The following SYTL4 variants were observed in gnomAD, a reference collection of about 807,000 sequenced individuals.
The protein encoded by SYTL4 is synaptotagmin-like protein 4.
A neutral mutation model predicts 52.7 loss-of-function variants in SYTL4; 16 were observed. The ratio of observed to expected loss-of-function variants is 0.30; its 90% CI spans 0.21 to 0.46. The LOEUF is 0.46. Among genes scored for constraint, SYTL4 ranks in the 20% least tolerant of loss-of-function variants. SYTL4 has a pLI of 1.00. For missense variants in SYTL4, 423 were observed against 519.9 expected, an observed-to-expected ratio of 0.81 and a Z score of 1.81; for synonymous variants, 160 against 186.6, an observed-to-expected ratio of 0.86 and a Z score of 1.16.
intron 9 of SYTL4, 44 bp from the exon 10 acceptor site, chrX:100,690,682 T>C: frequency 3.9e-6 from 4 of 1,013,392 alleles, no homozygotes; most frequent in Non-Finnish European, 5.5e-6. Context: ...CCTCCTACCC[T>C]TCCCCTTCTA....
At position 100,678,587 on chromosome X, in the gene SYTL4, G is replaced by A. The variant is rs144944700; in HGVS notation, c.1671C>T (p.Pro557=). ...TACGTTTACTGGCCTTGTTCCTCAT[G>A]GGAAGGAGGTATCTGGCAGAGGGCG... ...SDSFVKGYLL[P]MRNKASKRKT... Residue 557 remains proline, a synonymous_variant, in exon 19 of 20, where the codon CCC becomes CCT. Coordinates refer to ENST00000372989, the MANE Select transcript of SYTL4 (RefSeq NM_001370165.1). 2.7e-3 allele frequency: 3,283 copies of A among 1,207,532 alleles called. 7 individuals are homozygous for A. Among genetic ancestry groups the A allele is most frequent in the Middle Eastern group, 7.4e-3 (32 of 4,342 alleles).
At chrX:100,689,730 G>A in intron 12 of SYTL4, 126 bp downstream of exon 12, 1 of 390,658 alleles carries the variant, frequency 2.6e-6, no homozygotes, top group Non-Finnish European at 4.5e-6. Flanking sequence ...AAACTTGGGG[G>A]TATCAAGTTT....
chrX:100,688,134 G>A, intron 13 of SYTL4: 2 of 355,069 alleles, frequency 5.6e-6, no homozygotes, highest in Non-Finnish European at 9.8e-6. Context: ...GTCCCAAGCT[G>A]TAATGTAATA....
intron 13 of SYTL4, chrX:100,687,994 T>C (rs1016447894): frequency 8.9e-5 from 13 of 145,520 alleles, no homozygotes; most frequent in African/African-American, 4.1e-4. Context: ...CTCATGACAC[T>C]CACTTTCTTT....
chrX:100,714,412 A>T (rs1303684303), intron 2 of SYTL4, among the ~76,000 whole-genome samples: 1 of 110,029 alleles, frequency 9.1e-6, no homozygotes, highest in African/African-American at 3.3e-5. Context: ...GGCACCCGCC[A>T]CCACACCCGG....
intron 16 of SYTL4, 59 bp downstream of exon 16, chrX:100,685,931 G>T: frequency 9.2e-7 from 1 of 1,081,421 alleles, no homozygotes; most frequent in African/African-American, 1.8e-5. Flanking sequence ...GACCAGCAGA[G>T]GCTACTGCAG....
chrX:100,710,403 C>T (rs931317299), intron 2 of SYTL4, among the ~76,000 whole-genome samples: 3 of 112,051 alleles, frequency 2.7e-5, no homozygotes, highest in Non-Finnish European at 5.6e-5. Flanking sequence ...ATTCTGTATA[C>T]TTTTGAACAT....
intron 2 of SYTL4, among the ~76,000 whole-genome samples, chrX:100,711,898 A>T (rs770843998): frequency 5.4e-5 from 6 of 110,845 alleles, no homozygotes; most frequent in African/African-American, 2.0e-4. Context: ...GGGGAAGGAC[A>T]CATTATATAT....
At chrX:100,724,357 C>T (rs1256869386) in intron 2 of SYTL4, among the ~76,000 whole-genome samples, 1 of 104,968 alleles carries the variant, frequency 9.5e-6, no homozygotes, top group Non-Finnish European at 2.0e-5. Flanking sequence ...GCCACCACCC[C>T]GTCTGGGAGG....
intron 2 of SYTL4, among the ~76,000 whole-genome samples, chrX:100,719,372 C>T (rs996338914): frequency 5.4e-5 from 6 of 111,282 alleles, no homozygotes; most frequent in Non-Finnish European, 7.5e-5. Flanking sequence ...AGCTCTTAAC[C>T]GTTACATTAC....
intron 12 of SYTL4, 118 bp from the exon 13 acceptor site, chrX:100,688,561 T>TTA: frequency 1.0e-5 from 5 of 486,359 alleles, no homozygotes; most frequent in Non-Finnish European, 1.2e-5. Flanking sequence ...GCACACATAC[T>TTA]TCTTTTTTTT....
rs957295105 is a variant in SYTL4, at chrX:100,720,841, T to C, written c.-240+10577A>G. ...GCCTATAAGATGCCAAATAAATGCT[T>C]ATTTCTTTCAAATAAAATATTAATA... On this transcript the variant is annotated intron_variant, in intron 2 of 19. Coordinates refer to ENST00000372989, the MANE Select transcript of SYTL4 (RefSeq NM_001370165.1). Among the ~76,000 whole-genome samples, 3 of 112,520 alleles carry C rather than the reference T, an allele frequency of 2.7e-5. No homozygotes were observed. In the East Asian group the frequency reaches 8.3e-4, roughly 31 times the overall value.
chrX:100,726,816 A>C (rs2084528939), intron 2 of SYTL4, among the ~76,000 whole-genome samples: 2 of 111,378 alleles, frequency 1.8e-5, no homozygotes, highest in Admixed American at 1.9e-4. Context: ...TATGGGGTAC[A>C]CATGCAATTT....
chrX:100,722,366 T>C (rs1398657833), intron 2 of SYTL4, among the ~76,000 whole-genome samples: 1 of 111,507 alleles, frequency 9.0e-6, no homozygotes, highest in East Asian at 2.8e-4. Context: ...TTCTCCACAA[T>C]AACTATTTCA....
intron 8 of SYTL4, among the ~76,000 whole-genome samples, chrX:100,699,880 T>C (rs1569398092): frequency 9.0e-6 from 1 of 110,764 alleles, no homozygotes; most frequent in Non-Finnish European, 1.9e-5. Flanking sequence ...ATACATATCA[T>C]GGGGTATTAT....
At chrX:100,688,659 G>T (rs1318872131) in intron 12 of SYTL4, among the ~76,000 whole-genome samples, 2 of 107,831 alleles carry the variant, frequency 1.9e-5, no homozygotes, top group Non-Finnish European at 3.8e-5. Flanking sequence ...CCGCCTCCTG[G>T]GTTCAAGCAA....
chrX:100,724,358 G>A (rs1436531864), intron 2 of SYTL4, among the ~76,000 whole-genome samples: 113 of 104,644 alleles, frequency 1.1e-3, no homozygotes, highest in African/African-American at 3.8e-3. Flanking sequence ...CCACCACCCC[G>A]TCTGGGAGGT....
At position 100,686,665 on chromosome X, in the gene SYTL4, G is replaced by T; in HGVS notation, c.1287+14C>A. On this transcript the variant is annotated intron_variant, in intron 15 of 19. Coordinates refer to ENST00000372989, the MANE Select transcript of SYTL4 (RefSeq NM_001370165.1). ...CAGAACAAGTTCTCCTACCCTTGAG[G>T]TCTAGATACTTACCCTCAGCGTCTC... is the stretch of plus-strand genomic sequence containing the variant. 1.7e-6 allele frequency: 2 copies of T among 1,157,856 alleles called. No individual in the cohort carries two copies. Among genetic ancestry groups the T allele is most frequent in the Non-Finnish European group, 2.4e-6 (2 of 847,364 alleles).
chrX:100,703,186 C>G lies in SYTL4; in HGVS notation c.-163-1G>C, dbSNP rs1253608404. ...TGGGCAACACAGGGCGACTCAGTCT[C>G]TACAAAAAGAAAAATCAAAACTTAG... On this transcript the variant is annotated splice_acceptor_variant, in intron 3 of 19. Coordinates refer to ENST00000372989, the MANE Select transcript of SYTL4 (RefSeq NM_001370165.1). LOFTEE classifies it low-confidence loss of function (5UTR_SPLICE). The G allele has an allele frequency of 9.1e-6, 1 of 110,407 alleles. No individual in the cohort carries two copies. The highest frequency in any genetic ancestry group is 3.3e-5 in the African/African-American group (1 of 30,307). The allele number at this position is 110,407 out of a possible 1,213,427, so 9.1% of individuals were successfully genotyped here.
Sources: gnomAD v4.1 joint callset for allele counts (sites outside exome capture counted in the v4.1 genomes callset) on GRCh38, gnomAD v4.1.1 for gene constraint, MANE v1.5 for transcripts, NCBI Gene and HGNC (gene_info 2026-07-23, HGNC 2026-07-21) for gene names.